The following ADGRL2 variants were observed in gnomAD, a reference collection of about 807,000 sequenced individuals.
ADGRL2 encodes the protein adhesion G protein-coupled receptor L2, also known as calcium-independent alpha-latrotoxin receptor 2.
In ADGRL2, 44 loss-of-function variants were observed where a neutral mutation model predicts 157.4. The observed-to-expected ratio is 0.28, with a 90% CI of 0.22 to 0.36. ADGRL2 has a LOEUF of 0.36. Among genes scored for constraint, ADGRL2 ranks in the 10% least tolerant of loss-of-function variants. The pLI, the probability that ADGRL2 is intolerant of heterozygous loss-of-function variation, is 1.00. For missense variants in ADGRL2, 1,510 were observed against 1,768.9 expected (o/e 0.85, Z 2.63); for synonymous variants, 585 against 624.7 (o/e 0.94, Z 0.95).
intron 2 of ADGRL2, among the ~76,000 whole-genome samples, chr1:81,521,974 T>G (rs951525347): frequency 1.3e-5 from 2 of 151,584 alleles, no homozygotes; most frequent in Admixed American, 6.6e-5. Flanking sequence ...TTTGTTTTTT[T>G]TTTTTTTTGA....
At chr1:81,617,641 A>G (rs1313421532) in intron 3 of ADGRL2, among the ~76,000 whole-genome samples, 1 of 152,236 alleles carries the variant, frequency 6.6e-6, no homozygotes, top group Non-Finnish European at 1.5e-5. Context: ...GGGACACACT[A>G]CTTGCACACA....
chr1:81,646,648 C>T (rs2082320897), intron 3 of ADGRL2, among the ~76,000 whole-genome samples: 1 of 152,146 alleles, frequency 6.6e-6, no homozygotes, highest in African/African-American at 2.4e-5. Context: ...GAAATATTTT[C>T]CTCCCAGTTT....
chr1:81,511,400 G>GCGCGCACACA (rs1553172037), intron 2 of ADGRL2, among the ~76,000 whole-genome samples: 1 of 127,236 alleles, frequency 7.9e-6, no homozygotes, highest in African/African-American at 3.0e-5. Flanking sequence ...AAAAAAGCGC[G>GCGCGCACACA]CACACACACA....
In ADGRL2 at chr1:81,785,737, G is replaced by C. The variant is rs77684000; in HGVS notation, c.-101+23885G>C. 3.3e-5 allele frequency among the ~76,000 whole-genome samples: 5 copies of C among 151,902 alleles called. No homozygotes were observed. In the East Asian group the frequency reaches 7.7e-4, roughly 24 times the overall value. On this transcript the variant is annotated intron_variant, in intron 2 of 20. Coordinates refer to the ADGRL2 transcript ENST00000359929. ...AGTGAGACCCCGTGTCTAAAAAAAC[G>C]ACAACAAAAAATCCTTCCAAAACCG...
intron 1 of ADGRL2, among the ~76,000 whole-genome samples, chr1:81,731,012 G>T (rs894162160): frequency 6.6e-6 from 1 of 152,094 alleles, no homozygotes; most frequent in Admixed American, 6.6e-5. Flanking sequence ...CTGAGGTGCA[G>T]TAAAATAGTT....
At chr1:81,902,169 G>A (rs2094499852) in intron 2 of ADGRL2, among the ~76,000 whole-genome samples, 1 of 152,152 alleles carries the variant, frequency 6.6e-6, no homozygotes. Flanking sequence ...TATTAATAAA[G>A]ACCCGAATCA....
intron 1 of ADGRL2, among the ~76,000 whole-genome samples, chr1:81,803,451 C>G (rs903224812): frequency 6.6e-6 from 1 of 152,116 alleles, no homozygotes; most frequent in Non-Finnish European, 1.5e-5. Context: ...CTCCAATCCT[C>G]TGTTCACTCT....
chr1:81,519,933 A>G (rs1390812828), intron 2 of ADGRL2, among the ~76,000 whole-genome samples: 2 of 152,214 alleles, frequency 1.3e-5, no homozygotes, highest in Non-Finnish European at 2.9e-5. Flanking sequence ...GGCATGTGGT[A>G]TAATTCTTGT....
At chr1:81,444,442 C>A (rs2077564286) in intron 1 of ADGRL2, among the ~76,000 whole-genome samples, 1 of 152,148 alleles carries the variant, frequency 6.6e-6, no homozygotes, top group Non-Finnish European at 1.5e-5. Context: ...ACTCTATAAA[C>A]TACTCATATT....
intron 2 of ADGRL2, among the ~76,000 whole-genome samples, chr1:81,838,131 G>A (rs545580705): frequency 1.2e-4 from 18 of 151,980 alleles, no homozygotes; most frequent in Admixed American, 5.3e-4. Context: ...GTATTATTCC[G>A]TTGTCTGTGT....
chr1:81,768,478 T>G (rs2086223755), intron 2 of ADGRL2, among the ~76,000 whole-genome samples: 1 of 111,776 alleles, frequency 8.9e-6, no homozygotes, highest in South Asian at 3.2e-4. Context: ...ATGAAGTACC[T>G]CTTTTTTTTT....
intron 2 of ADGRL2, among the ~76,000 whole-genome samples, chr1:81,488,045 C>T (rs114612682): frequency 6.6e-6 from 1 of 152,160 alleles, no homozygotes; most frequent in Non-Finnish European, 1.5e-5. Flanking sequence ...TTACTGCATG[C>T]TACCCCTGCC....
intron 3 of ADGRL2, among the ~76,000 whole-genome samples, chr1:81,668,499 A>G (rs2082799563): frequency 6.6e-6 from 1 of 151,668 alleles, no homozygotes; most frequent in Admixed American, 6.6e-5. Flanking sequence ...TAAAGTATAC[A>G]AAAGTGTTTT....
intron 1 of ADGRL2, chr1:81,444,942 C>T (rs2077573798): frequency 6.6e-6 from 1 of 152,184 alleles, no homozygotes; most frequent in African/African-American, 2.4e-5. Context: ...AATTAATGCA[C>T]ATGCTAATGC....
intron 1 of ADGRL2, among the ~76,000 whole-genome samples, chr1:81,325,429 CAA>C (rs1158903828): frequency 6.6e-6 from 1 of 152,142 alleles, no homozygotes; most frequent in African/African-American, 2.4e-5. Flanking sequence ...ATTGAGAAAA[CAA>C]AGAAGATTCT....
intron 1 of ADGRL2, among the ~76,000 whole-genome samples, chr1:81,830,726 C>T (rs1407512960): frequency 2.6e-5 from 4 of 152,102 alleles, no homozygotes; most frequent in African/African-American, 4.8e-5. Context: ...AGGCTGGTCT[C>T]GAACTCCTGA....
intron 1 of ADGRL2, among the ~76,000 whole-genome samples, chr1:81,433,767 T>C (rs2077363098): frequency 6.6e-6 from 1 of 152,224 alleles, no homozygotes; most frequent in Non-Finnish European, 1.5e-5. Context: ...CTCTCACTTT[T>C]CCGTGGATTG....
chr1:81,844,638 C>A (rs879622131), intron 2 of ADGRL2, among the ~76,000 whole-genome samples: 22 of 152,256 alleles, frequency 1.4e-4, no homozygotes, highest in Non-Finnish European at 3.2e-4. Context: ...TATTAGACAT[C>A]AATTTGGATT....
chr1:81,480,382 T>C (rs1393021150), intron 2 of ADGRL2, among the ~76,000 whole-genome samples: 1 of 152,200 alleles, frequency 6.6e-6, no homozygotes, highest in Admixed American at 6.5e-5. Context: ...TATAGATGCC[T>C]AGTCTAGCAT....
Sources: gnomAD v4.1 joint callset for allele counts (sites outside exome capture counted in the v4.1 genomes callset) on GRCh38, gnomAD v4.1.1 for gene constraint, MANE v1.5 for transcripts, NCBI Gene and HGNC (gene_info 2026-07-23, HGNC 2026-07-21) for gene names.